Variants in NRP1 observed in about 807,000 individuals in gnomAD.
NRP1 encodes neuropilin 1, also known as neuropilin-1.
In NRP1, 35 loss-of-function variants were observed where a neutral mutation model predicts 106.7. The observed-to-expected ratio is 0.33, with a 90% CI of 0.25 to 0.43. The LOEUF is 0.43. NRP1 is among the 20% of genes least tolerant of loss of function. The probability of loss-of-function intolerance (pLI) is 1.00; values close to 1 mark genes in which losing one functional copy is unlikely to be tolerated. For synonymous variants in NRP1, 437 were observed against 417.9 expected, an observed-to-expected ratio of 1.05 and a Z score of -0.56; for missense variants, 1,024 against 1,170.4, an observed-to-expected ratio of 0.87 and a Z score of 1.83.
intron 2 of NRP1, among the ~76,000 whole-genome samples, chr10:33,303,360 G>A (rs1036136768): frequency 3.3e-5 from 5 of 152,140 alleles, no homozygotes; most frequent in Admixed American, 1.3e-4. Flanking sequence ...CCACTCAGAG[G>A]GCACTTAATA....
intron 1 of NRP1, among the ~76,000 whole-genome samples, chr10:33,333,303 C>T (rs1266903451): frequency 6.6e-6 from 1 of 151,984 alleles, no homozygotes. Flanking sequence ...GAGGGAAATC[C>T]ATTGCTAAAA....
chr10:33,257,729 GC>G (rs1376109158), intron 4 of NRP1, among the ~76,000 whole-genome samples: 1 of 152,292 alleles, frequency 6.6e-6, no homozygotes, highest in South Asian at 2.1e-4. Context: ...ACTGGAAATT[GC>G]CTTGGGAAGA....
At chr10:33,202,567 TG>T (rs72236242) in intron 11 of NRP1, 29,580 of 1,301,172 alleles carry the variant, frequency 0.023, 654 homozygotes, top group African/African-American at 0.03. Context: ...CACGTGTTAT[TG>T]GGGGGGGGTC....
In NRP1 at chr10:33,197,672, G is replaced by A; in HGVS notation, c.1902C>T (p.Val634=). 6.2e-7 allele frequency: 1 copy of A among 1,606,440 alleles called. No homozygotes were observed. The highest frequency in any genetic ancestry group is 8.5e-7 in the Non-Finnish European group (1 of 1,176,204). Residue 634 remains valine (V), a synonymous_variant, in exon 12 of 17, where the codon GTC becomes GTT. Coordinates refer to ENST00000374867, the MANE Select transcript of NRP1 (RefSeq NM_003873.7). ...TTVLATEKPT[V]IDSTIQSEFP... ...TACCTGATTGTATGGTGCTGTCTAT[G>A]ACCGTGGGCTTTTCTGTGGCCAGCA...
intron 2 of NRP1, among the ~76,000 whole-genome samples, chr10:33,275,679 C>T (rs36155596): frequency 0.04 from 6,072 of 151,858 alleles, 184 homozygotes; most frequent in Middle Eastern, 0.088. Context: ...AAAAGGATTG[C>T]CTGAGGCCAG....
At chr10:33,210,191 C>CTT (rs79402007) in intron 9 of NRP1, among the ~76,000 whole-genome samples, 4 of 140,244 alleles carry the variant, frequency 2.9e-5, no homozygotes, top group African/African-American at 7.7e-5. Context: ...ATTAAAATTT[C>CTT]TTTTTTTTTT....
At chr10:33,239,810 T>C (rs914976009) in intron 6 of NRP1, among the ~76,000 whole-genome samples, 1 of 152,202 alleles carries the variant, frequency 6.6e-6, no homozygotes, top group African/African-American at 2.4e-5. Context: ...CTTCTTATTT[T>C]AGAGCTAAGG....
At chr10:33,321,365 A>C (rs540912768) in intron 2 of NRP1, among the ~76,000 whole-genome samples, 3 of 152,258 alleles carry the variant, frequency 2.0e-5, no homozygotes, top group African/African-American at 7.2e-5. Flanking sequence ...TTTTCACTTT[A>C]TTGGAGAATA....
intron 8 of NRP1, among the ~76,000 whole-genome samples, chr10:33,214,547 T>C (rs1838599107): frequency 6.6e-6 from 1 of 152,144 alleles, no homozygotes; most frequent in African/African-American, 2.4e-5. Context: ...ATCCGAGCGC[T>C]CTGGCCAGGG....
chr10:33,236,788 T>G (rs1564409753), intron 6 of NRP1, among the ~76,000 whole-genome samples: 1 of 152,182 alleles, frequency 6.6e-6, no homozygotes, highest in Non-Finnish European at 1.5e-5. Flanking sequence ...CTGTATTGTG[T>G]TGATAAAGTA....
At chr10:33,319,682 G>A (rs904067692) in intron 2 of NRP1, among the ~76,000 whole-genome samples, 1 of 150,376 alleles carries the variant, frequency 6.6e-6, no homozygotes, top group Non-Finnish European at 1.5e-5. Context: ...TGCCTCGCGG[G>A]TTCATGCCAC....
At chr10:33,293,926 G>A (rs1008933118) in intron 2 of NRP1, among the ~76,000 whole-genome samples, 1 of 152,134 alleles carries the variant, frequency 6.6e-6, no homozygotes, top group African/African-American at 2.4e-5. Flanking sequence ...GTCATAGCAC[G>A]GATAATGTGC....
chr10:33,330,869 A>T lies in NRP1; in HGVS notation c.87T>A (p.Asp29Glu). The T allele has an allele frequency of 6.2e-7, 1 of 1,605,374 alleles. No homozygotes were observed. The highest frequency in any genetic ancestry group is 8.5e-7 in the Non-Finnish European group (1 of 1,174,378). The change falls in exon 2 of 17, where the codon GAT becomes GAA. Residue 29 changes from aspartate (D) to glutamate (E), a missense_variant. Transcript: ENST00000374867. ...ACCCGGGGCTTTCAATTTTTATAGTATCGCCACATTTATCTGCAATGAAAG... is the reference window on the plus strand; with the variant it reads ...ACCCGGGGCTTTCAATTTTTATAGTTTCGCCACATTTATCTGCAATGAAAG... ...AGAFRNDKCG[D>E]TIKIESPGYL...
chr10:33,330,431 A>G (rs913139233), intron 2 of NRP1, among the ~76,000 whole-genome samples: 2 of 152,084 alleles, frequency 1.3e-5, no homozygotes, highest in African/African-American at 2.4e-5. Flanking sequence ...AAACATACAT[A>G]CTGTATACAT....
At chr10:33,204,702 G>C (rs1222198475) in intron 10 of NRP1, among the ~76,000 whole-genome samples, 1 of 151,994 alleles carries the variant, frequency 6.6e-6, no homozygotes, top group Non-Finnish European at 1.5e-5. Context: ...TTTACTATTT[G>C]AAAATATATT....
At chr10:33,304,206 A>T (rs1194743967) in intron 2 of NRP1, among the ~76,000 whole-genome samples, 1 of 152,238 alleles carries the variant, frequency 6.6e-6, no homozygotes. Flanking sequence ...ACATGTTCTC[A>T]TTAAAATTCT....
chr10:33,298,235 G>C (rs1845551614), intron 2 of NRP1, among the ~76,000 whole-genome samples: 1 of 152,148 alleles, frequency 6.6e-6, no homozygotes, highest in Admixed American at 6.5e-5. Flanking sequence ...GTGACTCCCT[G>C]CTGGGTAATC....
intron 9 of NRP1, chr10:33,211,613 T>C (rs1283435863): frequency 5.3e-5 from 8 of 152,260 alleles, no homozygotes; most frequent in African/African-American, 1.9e-4. Flanking sequence ...AGTGGCCCGC[T>C]GCTCTAGTGG....
At chr10:33,192,208 C>A in intron 13 of NRP1, 73 bp downstream of exon 13, 2 of 1,518,784 alleles carry the variant, frequency 1.3e-6, no homozygotes, top group Non-Finnish European at 8.9e-7. Context: ...ACATTAGAAA[C>A]CCTCCCAGTA....
Sources: allele counts gnomAD v4.1 joint callset (sites outside exome capture counted in the v4.1 genomes callset), GRCh38; gene constraint gnomAD v4.1.1; transcripts MANE v1.5; gene names NCBI Gene and HGNC (gene_info 2026-07-23, HGNC 2026-07-21).